PPP4R4: variants seen among roughly 807,000 people sequenced by gnomAD.
PPP4R4 encodes the protein protein phosphatase 4 regulatory subunit 4, also known as serine/threonine-protein phosphatase 4 regulatory subunit 4.
A neutral mutation model predicts 121.8 loss-of-function variants in PPP4R4; 70 were observed. The ratio of observed to expected loss-of-function variants is 0.57; its 90% CI spans 0.47 to 0.70. PPP4R4 has a LOEUF of 0.70. PPP4R4 is among the 30% of genes least tolerant of loss of function. The pLI is 0.00. For missense variants in PPP4R4, 875 were observed against 1,033.6 expected (o/e 0.85, Z 2.10); for synonymous variants, 348 against 355.7 (o/e 0.98, Z 0.24).
intron 2 of PPP4R4, among the ~76,000 whole-genome samples, chr14:94,191,143 A>G (rs577633586): frequency 1.3e-5 from 2 of 152,324 alleles, no homozygotes; most frequent in Non-Finnish European, 2.9e-5. Context: ...TTGCACCTTA[A>G]TAAGTTCTTT....
chr14:94,239,238 G>T (rs1460320541), intron 8 of PPP4R4, among the ~76,000 whole-genome samples: 1 of 149,748 alleles, frequency 6.7e-6, no homozygotes. Flanking sequence ...TAGGGTACAT[G>T]GGCACGACGT....
At chr14:94,252,032 T>A in intron 16 of PPP4R4, 136 bp downstream of exon 16, 4 of 668,214 alleles carry the variant, frequency 6.0e-6, no homozygotes, top group Non-Finnish European at 9.6e-6. Context: ...TTCTTAGTAT[T>A]CATAATTGAT....
In PPP4R4 at chr14:94,251,811, A is replaced by G. The variant is rs1893195258; in HGVS notation, c.1780A>G (p.Ile594Val). The change falls in exon 16 of 25, where the codon ATA (isoleucine) becomes GTA (valine). Residue 594 changes from isoleucine (I) to valine (V), a missense_variant. By Grantham distance (29) the Ile-to-Val change is conservative. Coordinates refer to ENST00000304338, the MANE Select transcript of PPP4R4 (RefSeq NM_058237.2). ...ATTTTTGGATACCTGTGAATTTATT[A>G]TAGAGATATTTTCAAAATCATTTTT... ...LRFLDTCEFI[I>V]EIFSKSFFCK... 1 of 1,599,476 alleles carries G rather than the reference A, an allele frequency of 6.3e-7. No homozygotes were observed. Among genetic ancestry groups the G allele is most frequent in the Non-Finnish European group, 8.5e-7 (1 of 1,170,510 alleles).
intron 2 of PPP4R4, among the ~76,000 whole-genome samples, chr14:94,181,679 CA>C (rs1439786665): frequency 6.6e-6 from 1 of 152,122 alleles, no homozygotes; most frequent in Non-Finnish European, 1.5e-5. Flanking sequence ...AGTCTGAAAG[CA>C]TGGTTCTAGG....
intron 2 of PPP4R4, among the ~76,000 whole-genome samples, chr14:94,208,148 T>A (rs1890560808): frequency 6.6e-6 from 1 of 151,862 alleles, no homozygotes; most frequent in Admixed American, 6.6e-5. Flanking sequence ...CAGGAAAAAA[T>A]GAGGTAGAAT....
At chr14:94,182,747 C>A (rs997010058) in intron 2 of PPP4R4, among the ~76,000 whole-genome samples, 1 of 152,122 alleles carries the variant, frequency 6.6e-6, no homozygotes, top group Non-Finnish European at 1.5e-5. Context: ...GTACAAGTCT[C>A]TTGGTGAATA....
Position 94,242,333 on chromosome 14 carries a change from C to CT in PPP4R4, c.1192dup (p.Tyr398LeufsTer10). 6.2e-7 allele frequency: 1 copy of CT among 1,609,266 alleles called. No individual in the cohort carries two copies. The highest frequency in any genetic ancestry group is 8.5e-7 in the Non-Finnish European group (1 of 1,175,764). On this transcript the variant is annotated frameshift_variant, in exon 11 of 25. Transcript: ENST00000304338. LOFTEE classifies it high-confidence loss of function. ...ATCCTAAAAACTTCCACATGGAACTCTATTCTACATTCTTCTGCCTTTGCC... is the reference window on the plus strand; with the variant it reads ...ATCCTAAAAACTTCCACATGGAACTCTTATTCTACATTCTTCTGCCTTTGCC...
chr14:94,231,578 A>C (rs764888947), intron 5 of PPP4R4, among the ~76,000 whole-genome samples: 1 of 152,120 alleles, frequency 6.6e-6, no homozygotes, highest in Non-Finnish European at 1.5e-5. Context: ...TTGGCTTGCT[A>C]TATCAGTGAT....
At position 94,233,664 on chromosome 14, in the gene PPP4R4, A is replaced by G. The variant is rs758961612; in HGVS notation, c.528A>G (p.Pro176=). Residue 176 remains proline, a synonymous_variant, in exon 6 of 25, where the codon CCA becomes CCG. Transcript: ENST00000304338. ...AATTTTCTCTTTAGATTTTGAATCCACTTGTTTCCAAGGCACAACTTTCCC... is the reference window on the plus strand; with the variant it reads ...AATTTTCTCTTTAGATTTTGAATCCGCTTGTTTCCAAGGCACAACTTTCCC... ...KETLRHEILN[P]LVSKAQLSQT... 1.9e-6 allele frequency: 3 copies of G among 1,587,568 alleles called. No homozygotes were observed. Among genetic ancestry groups the G allele is most frequent in the African/African-American group, 1.4e-5 (1 of 73,892 alleles).
At chr14:94,206,838 G>A (rs753358525) in intron 2 of PPP4R4, among the ~76,000 whole-genome samples, 6 of 151,946 alleles carry the variant, frequency 3.9e-5, no homozygotes, top group Non-Finnish European at 7.4e-5. Context: ...CGCAAACCAG[G>A]TGGCTTAAAA....
intron 2 of PPP4R4, among the ~76,000 whole-genome samples, chr14:94,197,748 C>G (rs538949304): frequency 3.9e-5 from 6 of 152,282 alleles, no homozygotes; most frequent in Non-Finnish European, 7.4e-5. Context: ...CAGGCAAAAA[C>G]TGCTTTCTGC....
intron 6 of PPP4R4, among the ~76,000 whole-genome samples, chr14:94,234,197 A>G (rs1400435544): frequency 6.6e-6 from 1 of 152,216 alleles, no homozygotes; most frequent in Non-Finnish European, 1.5e-5. Context: ...CTTATTAAAT[A>G]CCAAATGAAA....
chr14:94,194,572 C>G (rs1373201670), intron 2 of PPP4R4, among the ~76,000 whole-genome samples: 1 of 150,352 alleles, frequency 6.7e-6, no homozygotes, highest in Admixed American at 6.6e-5. Flanking sequence ...TTTTGGGTTT[C>G]TTCTAGTCAG....
rs544525079 is a variant in PPP4R4, at chr14:94,274,409, G to T, written c.2450-965G>T. 2.0e-5 allele frequency among the ~76,000 whole-genome samples: 3 copies of T among 152,134 alleles called. No homozygotes were observed. The South Asian group carries it at 6.2e-4, about 32-fold the overall frequency. On this transcript the variant is annotated intron_variant, in intron 23 of 24. Coordinates refer to ENST00000304338, the MANE Select transcript of PPP4R4 (RefSeq NM_058237.2). ...GTACCAGACAAAGAATTTGTATCCA[G>T]AATATATACAAAGATGTCTTTGTAA... is the stretch of plus-strand genomic sequence containing the variant.
At chr14:94,242,056 G>T in intron 10 of PPP4R4, 99 bp downstream of exon 10, 6 of 1,251,558 alleles carry the variant, frequency 4.8e-6, no homozygotes, top group Non-Finnish European at 6.7e-6. Flanking sequence ...GACACTTGCT[G>T]CTTGCATTAT....
At chr14:94,175,997 G>A in intron 1 of PPP4R4, 57 bp from the exon 2 acceptor site, 2 of 1,374,018 alleles carry the variant, frequency 1.5e-6, no homozygotes, top group Admixed American at 1.7e-5. Context: ...TGGGAGGTTG[G>A]GGGGCAAGAC....
chr14:94,278,078 A>G (rs1894737937), intron 24 of PPP4R4, among the ~76,000 whole-genome samples: 1 of 152,182 alleles, frequency 6.6e-6, no homozygotes, highest in Admixed American at 6.5e-5. Context: ...AACAGGCCAT[A>G]TCCAAGTGAA....
At chr14:94,214,159 C>T (rs1055003692) in intron 3 of PPP4R4, among the ~76,000 whole-genome samples, 4 of 152,134 alleles carry the variant, frequency 2.6e-5, no homozygotes, top group African/African-American at 4.8e-5. Flanking sequence ...ATATAAATAT[C>T]TACCTGAAAG....
In PPP4R4 at chr14:94,241,302, T is replaced by C. The variant is rs904254596; in HGVS notation, c.977-486T>C. On this transcript the variant is annotated intron_variant, in intron 9 of 24. Transcript: ENST00000304338. ...ATTATGAGTTTCTAGCTCCTTGAGATAGTTAATGAAGTGGAACCATTCCAT... is the reference window on the plus strand; with the variant it reads ...ATTATGAGTTTCTAGCTCCTTGAGACAGTTAATGAAGTGGAACCATTCCAT... Among the ~76,000 whole-genome samples, 18 of 152,102 alleles carry C rather than the reference T, an allele frequency of 1.2e-4. 1 individual carries two copies. The highest frequency in any genetic ancestry group is 4.3e-4 in the African/African-American group (18 of 41,468).
Sources: gnomAD v4.1 joint callset for allele counts (sites outside exome capture counted in the v4.1 genomes callset) on GRCh38, gnomAD v4.1.1 for gene constraint, MANE v1.5 for transcripts, NCBI Gene and HGNC (gene_info 2026-07-23, HGNC 2026-07-21) for gene names.